ATP2C2: variants seen among roughly 807,000 people sequenced by gnomAD.
ATP2C2 encodes calcium-transporting ATPase type 2C member 2.
Under a neutral mutation model 110.8 loss-of-function variants are expected in ATP2C2, and 171 were observed. The ratio of observed to expected loss-of-function variants is 1.54; its 90% CI spans 1.36 to 1.75. ATP2C2 has a LOEUF of 1.75. Among genes scored for constraint, ATP2C2 ranks in the 40% most tolerant of loss-of-function variants. The pLI is 0.00. For missense variants in ATP2C2, 1,963 were observed against 1,235.0 expected (o/e 1.59, Z -8.84); for synonymous variants, 804 against 508.4 (o/e 1.58, Z -7.82).
chr16:84,380,405 G>A (rs1022015906), intron 1 of ATP2C2, among the ~76,000 whole-genome samples: 1 of 151,704 alleles, frequency 6.6e-6, no homozygotes, highest in Non-Finnish European at 1.5e-5. Context: ...CTTGTCTTAA[G>A]TTTTTCTCAT....
intron 11 of ATP2C2, among the ~76,000 whole-genome samples, chr16:84,430,723 A>G (rs189685988): frequency 2.6e-4 from 39 of 151,746 alleles, no homozygotes; most frequent in African/African-American, 4.8e-4. Context: ...CTGGAGAAGG[A>G]GCAGGAGTAG....
chr16:84,418,963 C>A (rs1907076739), intron 7 of ATP2C2, among the ~76,000 whole-genome samples: 1 of 151,956 alleles, frequency 6.6e-6, no homozygotes, highest in Non-Finnish European at 1.5e-5. Flanking sequence ...AATCCCAGCA[C>A]TTTGGGAGGC....
intron 3 of ATP2C2, chr16:84,407,544 G>A (rs777114124): frequency 6.6e-6 from 1 of 152,150 alleles, no homozygotes; most frequent in Non-Finnish European, 1.5e-5. Flanking sequence ...AAACACGGCT[G>A]ACTGCAGCCT....
chr16:84,436,389 C>A (rs514726), intron 11 of ATP2C2, among the ~76,000 whole-genome samples: 1 of 151,836 alleles, frequency 6.6e-6, no homozygotes, highest in Non-Finnish European at 1.5e-5. Context: ...TCGCCCTGGC[C>A]GATTTCACGT....
At chr16:84,379,470 C>T (rs893352296) in intron 1 of ATP2C2, among the ~76,000 whole-genome samples, 1 of 152,184 alleles carries the variant, frequency 6.6e-6, no homozygotes, top group African/African-American at 2.4e-5. Context: ...CTGGCTGATC[C>T]TTTCTTTTGA....
At chr16:84,430,702 G>T (rs1011542696) in intron 11 of ATP2C2, among the ~76,000 whole-genome samples, 14 of 151,768 alleles carry the variant, frequency 9.2e-5, no homozygotes, top group Admixed American at 7.9e-4. Context: ...AGGGACCAGG[G>T]TCTTTTGGTG....
At position 84,460,817 on chromosome 16, in the gene ATP2C2, C is replaced by T; in HGVS notation, c.2481+16C>T. 1 of 1,601,922 alleles carries T rather than the reference C, an allele frequency of 6.2e-7. No individual in the cohort carries two copies. Among genetic ancestry groups the T allele is most frequent in the South Asian group, 1.1e-5 (1 of 89,558 alleles). ...CTGGAAGGAGGTGAGCGAGGGTCAC[C>T]CCGGCCTGTTCTCCAAGCCCTGGTG... On this transcript the variant is annotated intron_variant, in intron 24 of 26. Transcript: ENST00000262429.
At chr16:84,383,751 A>ATGTGTGTG (rs1910725090) in intron 1 of ATP2C2, among the ~76,000 whole-genome samples, 3 of 134,056 alleles carry the variant, frequency 2.2e-5, no homozygotes, top group Non-Finnish European at 4.7e-5. Flanking sequence ...GTGTGTGTGT[A>ATGTGTGTG]TGTGTGTGTT....
At chr16:84,442,280 G>A (rs904623488) in intron 14 of ATP2C2, among the ~76,000 whole-genome samples, 11 of 152,174 alleles carry the variant, frequency 7.2e-5, no homozygotes, top group East Asian at 1.9e-4. Context: ...GTCACCACCC[G>A]TGCACCTGCC....
chr16:84,463,708 C>G lies in ATP2C2; in HGVS notation c.2817C>G (p.Val939=), dbSNP rs755823428. 4 of 1,613,814 alleles carry G rather than the reference C, an allele frequency of 2.5e-6. No individual in the cohort carries two copies. The highest frequency in any genetic ancestry group is 3.4e-6 in the Non-Finnish European group (4 of 1,179,668). Residue 939 remains valine, a synonymous_variant, in exon 27 of 27, where the codon GTC becomes GTG. Coordinates refer to ENST00000262429, the MANE Select transcript of ATP2C2 (RefSeq NM_014861.4). ...AATACTGTTGCAGCCCCAAGAGAGTCCAGATGCACCCTGAAGATGTGTAGT... is the reference window on the plus strand; with the variant it reads ...AATACTGTTGCAGCCCCAAGAGAGTGCAGATGCACCCTGAAGATGTGTAGT... The part of the protein sequence containing the change: ...CEKYCCSPKR[V]QMHPEDV
intron 1 of ATP2C2, among the ~76,000 whole-genome samples, chr16:84,372,379 T>A (rs1910004449): frequency 6.6e-6 from 1 of 152,198 alleles, no homozygotes; most frequent in South Asian, 2.1e-4. Context: ...ATCATTAGTG[T>A]TTCTCAGAAT....
rs755070661 is a variant in ATP2C2, at chr16:84,412,502, ATGTGTC to A, written c.515+1743_515+1748del. ...CATGTGTATGTGTGCATGTGTGTATATGTGTCTGTGTGTGTCTGTGTGTGCATGTGT... is the reference window on the plus strand; with the variant it reads ...CATGTGTATGTGTGCATGTGTGTATATGTGTGTGTCTGTGTGTGCATGTGT... On this transcript the variant is annotated intron_variant, in intron 6 of 26. Coordinates refer to ENST00000262429, the MANE Select transcript of ATP2C2 (RefSeq NM_014861.4). Among the ~76,000 whole-genome samples the A allele has an allele frequency of 2.6e-4, 30 of 115,874 alleles. No homozygotes were observed. The East Asian group carries it at 6.1e-3, about 24-fold the overall frequency. The allele number at this position is 115,874 out of a possible 152,430, so 76.0% of individuals were successfully genotyped here.
chr16:84,451,057 A>G (rs1392321252), intron 17 of ATP2C2, among the ~76,000 whole-genome samples: 3 of 152,142 alleles, frequency 2.0e-5, no homozygotes, highest in Non-Finnish European at 4.4e-5. Context: ...ACCTGAGACT[A>G]GGTAATTTAC....
intron 2 of ATP2C2, 87 bp from the exon 3 acceptor site, chr16:84,405,041 G>A (rs767623994): frequency 1.9e-5 from 21 of 1,122,024 alleles, no homozygotes; most frequent in Middle Eastern, 1.9e-4. Flanking sequence ...CATGGAAGCC[G>A]CTGCCTTTCA....
intron 1 of ATP2C2, among the ~76,000 whole-genome samples, chr16:84,377,531 T>A (rs968310900): frequency 6.6e-6 from 1 of 152,048 alleles, no homozygotes; most frequent in Non-Finnish European, 1.5e-5. Flanking sequence ...CATGGCTGCC[T>A]TCCCTGTGTC....
chr16:84,412,472 C>T (rs891642420), intron 6 of ATP2C2, among the ~76,000 whole-genome samples: 2 of 137,020 alleles, frequency 1.5e-5, no homozygotes, highest in African/African-American at 5.5e-5. Flanking sequence ...GTGTGTGTGT[C>T]TGTGCATGTG....
At chr16:84,380,201 T>A (rs553056921) in intron 1 of ATP2C2, among the ~76,000 whole-genome samples, 5 of 152,222 alleles carry the variant, frequency 3.3e-5, no homozygotes, top group African/African-American at 1.2e-4. Flanking sequence ...GCAACACCTA[T>A]CTCACCAGGC....
At chr16:84,436,763 G>GTTTTTT (rs10651589) in intron 11 of ATP2C2, among the ~76,000 whole-genome samples, 5 of 124,104 alleles carry the variant, frequency 4.0e-5, no homozygotes, top group Non-Finnish European at 6.4e-5. Context: ...AGCGAAGGCT[G>GTTTTTT]TTTTTTTTTT....
At chr16:84,453,397 C>A in intron 20 of ATP2C2, 26 bp downstream of exon 20, 1 of 1,613,910 alleles carries the variant, frequency 6.2e-7, no homozygotes, top group Non-Finnish European at 8.5e-7. Context: ...CAGGCACAGG[C>A]TGCGCTGCTG....
Sources: gnomAD v4.1 joint callset for allele counts (sites outside exome capture counted in the v4.1 genomes callset) on GRCh38, gnomAD v4.1.1 for gene constraint, MANE v1.5 for transcripts, NCBI Gene and HGNC (gene_info 2026-07-23, HGNC 2026-07-21) for gene names.